The following VPS37A variants were observed in gnomAD, a reference collection of about 807,000 sequenced individuals.
VPS37A encodes VPS37A subunit of ESCRT-I.
A neutral mutation model predicts 49.8 loss-of-function variants in VPS37A; 30 were observed. That is an observed-to-expected ratio of 0.60 (90% CI 0.45 to 0.82). VPS37A has a LOEUF of 0.82. Among genes scored for constraint, VPS37A ranks in the 40% least tolerant of loss-of-function variants. The pLI is 0.00. For missense variants in VPS37A, 593 were observed against 464.4 expected, an observed-to-expected ratio of 1.28 and a Z score of -2.55; for synonymous variants, 195 against 160.6, an observed-to-expected ratio of 1.21 and a Z score of -1.62.
intron 5 of VPS37A, among the ~76,000 whole-genome samples, chr8:17,275,720 C>T (rs1400210787): frequency 6.6e-6 from 1 of 152,112 alleles, no homozygotes; most frequent in Non-Finnish European, 1.5e-5. Flanking sequence ...GGTATAAAAC[C>T]TTTCAATTAA....
chr8:17,323,650 G>C, the VPS37A span, among the ~76,000 whole-genome samples: 1 of 152,078 alleles, frequency 6.6e-6, no homozygotes, highest in African/African-American at 2.4e-5. Flanking sequence ...GGCCGCAGGG[G>C]TGGGGGGTCA....
chr8:17,278,339 C>T (rs192342047), intron 6 of VPS37A, among the ~76,000 whole-genome samples: 1 of 152,096 alleles, frequency 6.6e-6, no homozygotes, highest in Admixed American at 6.5e-5. Context: ...TCATTACCAC[C>T]AGAATTTATT....
chr8:17,255,456 G>A (rs1486097488), intron 1 of VPS37A, among the ~76,000 whole-genome samples: 2 of 152,042 alleles, frequency 1.3e-5, no homozygotes, highest in East Asian at 3.9e-4. Flanking sequence ...ACTCCAGCCT[G>A]GGCAACGAGA....
downstream of VPS37A, chr8:17,300,110 G>A: frequency 6.2e-7 from 1 of 1,614,140 alleles, no homozygotes; most frequent in African/African-American, 1.3e-5. Context: ...TAATCCTGGG[G>A]AGTGTTGGCT....
At chr8:17,331,189 T>A in the VPS37A span, 2 of 1,612,962 alleles carry the variant, frequency 1.2e-6, no homozygotes, top group African/African-American at 2.7e-5. Context: ...ATGACATGGA[T>A]GTTCTCTATC....
chr8:17,272,601 A>G (rs1464705362), intron 4 of VPS37A, among the ~76,000 whole-genome samples: 3 of 152,200 alleles, frequency 2.0e-5, no homozygotes, highest in African/African-American at 7.2e-5. Flanking sequence ...AAAATAAAGC[A>G]GATTGGGTCA....
downstream of VPS37A, among the ~76,000 whole-genome samples, chr8:17,306,805 G>T (rs1275793397): frequency 6.6e-6 from 1 of 152,170 alleles, no homozygotes; most frequent in East Asian, 1.9e-4. Context: ...ACCTTTGGTA[G>T]CTTTAAAAAG....
intron 11 of VPS37A, among the ~76,000 whole-genome samples, chr8:17,288,247 G>T (rs572947162): frequency 6.6e-6 from 1 of 152,072 alleles, no homozygotes; most frequent in African/African-American, 2.4e-5. Flanking sequence ...TATGCTTTAA[G>T]TTCTGGGATA....
the VPS37A span, among the ~76,000 whole-genome samples, chr8:17,319,628 C>T: frequency 6.6e-6 from 1 of 152,168 alleles, no homozygotes; most frequent in Non-Finnish European, 1.5e-5. Flanking sequence ...TTAGCTTTAG[C>T]TTTTCAATCC....
At chr8:17,327,345 A>ACTGCAGCCTCAACCTC in the VPS37A span, among the ~76,000 whole-genome samples, 2 of 152,196 alleles carry the variant, frequency 1.3e-5, no homozygotes, top group African/African-American at 4.8e-5. Context: ...ATCATGGCTT[A>ACTGCAGCCTCAACCTC]CTGCAGCCTC....
At chr8:17,307,037 A>G, downstream of VPS37A, among the ~76,000 whole-genome samples, 1 of 152,340 alleles carries the variant, frequency 6.6e-6, no homozygotes, top group South Asian at 2.1e-4. Context: ...AAATTGACAG[A>G]TGGGATCTAA....
chr8:17,306,477 TGACGACAG>T (rs1257043935), downstream of VPS37A, among the ~76,000 whole-genome samples: 2 of 152,188 alleles, frequency 1.3e-5, no homozygotes, highest in Non-Finnish European at 2.9e-5. Context: ...TATTTCCATG[TGACGACAG>T]ATTCCACATG....
Position 17,256,987 on chromosome 8 carries a change from C to T in VPS37A, c.126-8920C>T, listed in dbSNP as rs188767374. Among the ~76,000 whole-genome samples, 757 of 152,246 alleles carry T rather than the reference C, an allele frequency of 5.0e-3. 5 individuals are homozygous for T. Among genetic ancestry groups the T allele is most frequent in the African/African-American group, 0.017 (700 of 41,538 alleles). On this transcript the variant is annotated intron_variant, in intron 1 of 11. Transcript: ENST00000324849. ...ATGCCTGTGCTTTTGAGGTCTTACA[C>T]AAAATTGTTTGCCTAGAACAATGTA...
chr8:17,278,593 C>T (rs567047790), intron 6 of VPS37A, among the ~76,000 whole-genome samples: 1 of 152,180 alleles, frequency 6.6e-6, no homozygotes, highest in Admixed American at 6.6e-5. Context: ...AACATTTCTT[C>T]TCCCAGACCT....
the VPS37A span, among the ~76,000 whole-genome samples, chr8:17,329,504 G>A: frequency 6.6e-6 from 1 of 152,152 alleles, no homozygotes; most frequent in Admixed American, 6.5e-5. Context: ...CAGGAGAAAT[G>A]GTTCCTGACG....
chr8:17,323,055 C>A, the VPS37A span, among the ~76,000 whole-genome samples: 2 of 148,122 alleles, frequency 1.4e-5, no homozygotes, highest in East Asian at 2.1e-4. Flanking sequence ...TCAAGCAATT[C>A]TCCTGCCTCA....
At position 17,274,921 on chromosome 8, in the gene VPS37A, T is replaced by G; in HGVS notation, c.605T>G (p.Leu202Arg). 3 of 1,614,178 alleles carry G rather than the reference T, an allele frequency of 1.9e-6. No individual in the cohort carries two copies. The highest frequency in any genetic ancestry group is 2.5e-6 in the Non-Finnish European group (3 of 1,180,006). ...CCTTCATTTGGTGTCCTTTCAAATC[T>G]GCCATTACCCATTCCCACAGTGGAT... Reference protein sequence around the residue: ...AAPSFGVLSNLPLPIPTVDAS... With the variant: ...AAPSFGVLSNRPLPIPTVDAS... Residue 202 changes from leucine to arginine, a missense_variant, in exon 5 of 12, where the codon CTG becomes CGG. Coordinates refer to ENST00000324849, the MANE Select transcript of VPS37A (RefSeq NM_152415.3).
the VPS37A span, among the ~76,000 whole-genome samples, chr8:17,317,960 G>A: frequency 1.3e-5 from 2 of 152,004 alleles, no homozygotes; most frequent in African/African-American, 4.8e-5. Context: ...GAGGAGGTGG[G>A]TAAGTTATTA....
At chr8:17,263,600 A>G (rs1049291697) in intron 1 of VPS37A, among the ~76,000 whole-genome samples, 1 of 152,236 alleles carries the variant, frequency 6.6e-6, no homozygotes, top group Non-Finnish European at 1.5e-5. Context: ...AATTATTTAG[A>G]TAAAAATTAT....
Sources: gnomAD v4.1 joint callset for allele counts (sites outside exome capture counted in the v4.1 genomes callset) on GRCh38, gnomAD v4.1.1 for gene constraint, MANE v1.5 for transcripts, NCBI Gene and HGNC (gene_info 2026-07-23, HGNC 2026-07-21) for gene names.